CSDE1: variants seen among roughly 807,000 people sequenced by gnomAD.
The protein encoded by CSDE1 is cold shock domain-containing protein E1.
A neutral mutation model predicts 89.3 loss-of-function variants in CSDE1; 17 were observed. The observed-to-expected ratio is 0.19, with a 90% CI of 0.13 to 0.29. CSDE1 has a LOEUF of 0.29. CSDE1 is among the 10% of genes least tolerant of loss of function. CSDE1 has a pLI of 1.00. For synonymous variants in CSDE1, 322 were observed against 332.8 expected (o/e 0.97, Z 0.35); for missense variants, 672 against 984.2 (o/e 0.68, Z 4.24).
At chr1:114,757,096 C>A (rs770077891) in intron 1 of CSDE1, among the ~76,000 whole-genome samples, 1 of 152,120 alleles carries the variant, frequency 6.6e-6, no homozygotes, top group Non-Finnish European at 1.5e-5. Flanking sequence ...GCTTTCAGGG[C>A]GCACGCCCAT....
intron 15 of CSDE1, 147 bp downstream of exon 15, chr1:114,725,074 A>G (rs534887905): frequency 3.0e-6 from 2 of 675,618 alleles, no homozygotes; most frequent in Non-Finnish European, 5.3e-6. Context: ...GTATATTTCT[A>G]ACAAGCAACC....
intron 1 of CSDE1, among the ~76,000 whole-genome samples, chr1:114,754,053 T>C (rs1661455770): frequency 6.6e-6 from 1 of 152,188 alleles, no homozygotes; most frequent in African/African-American, 2.4e-5. Flanking sequence ...AATAGTATTA[T>C]TACTTAATCA....
At chr1:114,754,010 T>C (rs936228772) in intron 1 of CSDE1, among the ~76,000 whole-genome samples, 2 of 152,226 alleles carry the variant, frequency 1.3e-5, no homozygotes, top group African/African-American at 2.4e-5. Flanking sequence ...GTGTGCTAAG[T>C]AATCAACTCC....
In CSDE1 at chr1:114,717,632, TAAGAA is replaced by T. The variant is rs1008660858; in HGVS notation, c.*532_*536del. ...CATTTTAAAATTTGGCCATCAACTTTAAGAAATGGTTTGCCTATACAAATTTTTGT... is the reference window on the plus strand; with the variant it reads ...CATTTTAAAATTTGGCCATCAACTTTATGGTTTGCCTATACAAATTTTTGT... On this transcript the variant is annotated 3_prime_UTR_variant, in exon 20 of 20. Transcript: ENST00000358528. The T allele has an allele frequency of 6.5e-6, 1 of 152,676 alleles. No individual in the cohort carries two copies. Among genetic ancestry groups the T allele is most frequent in the African/African-American group, 2.4e-5 (1 of 41,476 alleles). The allele number at this position is 152,676 out of a possible 1,614,324, so 9.5% of individuals were successfully genotyped here.
rs192036370 is a variant in CSDE1, at chr1:114,750,443, C to G, written c.-387-236G>C. Among the ~76,000 whole-genome samples the G allele has an allele frequency of 3.9e-5, 6 of 152,252 alleles. No individual in the cohort carries two copies. The East Asian group carries it at 1.2e-3, about 29-fold the overall frequency. ...CAAATTATTCCATAGTCTTTATTGA[C>G]CTCTTCCCCCAAATAAGCTCAGTTA... On this transcript the variant is annotated intron_variant, in intron 1 of 19. Transcript: ENST00000358528.
rs1275752231 is a variant in CSDE1 at position 114,720,575 on chromosome 1, G to C, written c.2016C>G (p.Pro672=). 6.2e-7 allele frequency: 1 copy of C among 1,614,060 alleles called. No homozygotes were observed. The highest frequency in any genetic ancestry group is 2.2e-5 in the East Asian group (1 of 44,876). ...CACATTCCACTGTGGCCCTGCGCAG[G>C]GGTGTGATGTTGTAAGCCATAGTTT... is the stretch of plus-strand genomic sequence containing the variant. ...NAQTMAYNIT[P]LRRATVECVK... Residue 672 remains proline (P), a synonymous_variant, in exon 17 of 20, where the codon CCC becomes CCG. Coordinates refer to ENST00000358528, the MANE Select transcript of CSDE1 (RefSeq NM_001007553.3).
chr1:114,728,543 C>T (rs1193572572), intron 12 of CSDE1, among the ~76,000 whole-genome samples: 3 of 151,754 alleles, frequency 2.0e-5, no homozygotes, highest in Non-Finnish European at 2.9e-5. Context: ...GAAAAAAAAA[C>T]AAAAAATGGC....
chr1:114,746,896 G>C (rs896260885), intron 2 of CSDE1: 1 of 152,124 alleles, frequency 6.6e-6, no homozygotes, highest in African/African-American at 2.4e-5. Flanking sequence ...TCCTGTCATA[G>C]GTCTCTATTT....
intron 14 of CSDE1, among the ~76,000 whole-genome samples, 189 bp downstream of exon 14, chr1:114,726,022 T>C (rs1659775554): frequency 6.6e-6 from 1 of 152,240 alleles, no homozygotes; most frequent in Admixed American, 6.5e-5. Flanking sequence ...GGCCTTTCTA[T>C]TTCTTTTGGC....
intron 16 of CSDE1, among the ~76,000 whole-genome samples, chr1:114,722,534 A>G (rs959803192): frequency 6.6e-6 from 1 of 152,208 alleles, no homozygotes; most frequent in Non-Finnish European, 1.5e-5. Flanking sequence ...GGAAAATGTA[A>G]TCTGTCTAGT....
At chr1:114,727,648 A>G (rs1446100554) in intron 12 of CSDE1, 1 of 152,186 alleles carries the variant, frequency 6.6e-6, no homozygotes, top group East Asian at 1.9e-4. Context: ...TTTTTTTAAT[A>G]CCAGACTTCA....
chr1:114,736,085 AAC>A (rs1381531756), intron 6 of CSDE1, among the ~76,000 whole-genome samples: 1 of 152,152 alleles, frequency 6.6e-6, no homozygotes, highest in Non-Finnish European at 1.5e-5. Flanking sequence ...AGGCCAGAAA[AAC>A]AGTATTTGGG....
intron 19 of CSDE1, among the ~76,000 whole-genome samples, 153 bp downstream of exon 19, chr1:114,718,460 G>A (rs1251163290): frequency 6.6e-6 from 1 of 152,146 alleles, no homozygotes; most frequent in Non-Finnish European, 1.5e-5. Flanking sequence ...TAGGTTAGGG[G>A]GCTGAACCAA....
intron 1 of CSDE1, among the ~76,000 whole-genome samples, chr1:114,757,095 G>T (rs1365409054): frequency 6.6e-6 from 1 of 152,190 alleles, no homozygotes; most frequent in Non-Finnish European, 1.5e-5. Flanking sequence ...AGCTTTCAGG[G>T]CGCACGCCCA....
chr1:114,737,416 C>A, intron 5 of CSDE1, 55 bp downstream of exon 5: 1 of 1,350,198 alleles, frequency 7.4e-7, no homozygotes. Context: ...TTAAAGTACG[C>A]TTATAGATCA....
intron 16 of CSDE1, 69 bp downstream of exon 16, chr1:114,723,814 T>A: frequency 6.2e-7 from 1 of 1,603,260 alleles, no homozygotes; most frequent in South Asian, 1.1e-5. Context: ...GCACCATATT[T>A]TAAAACTTTA....
intron 2 of CSDE1, among the ~76,000 whole-genome samples, chr1:114,745,322 A>C (rs1035719483): frequency 1.3e-5 from 2 of 152,230 alleles, no homozygotes; most frequent in African/African-American, 4.8e-5. Context: ...AAATAATATA[A>C]AGTCTAACAC....
chr1:114,743,740 G>A (rs949424579), intron 2 of CSDE1, among the ~76,000 whole-genome samples: 1 of 152,162 alleles, frequency 6.6e-6, no homozygotes, highest in South Asian at 2.1e-4. Context: ...CAAGAATGTT[G>A]GAATCTGGGC....
chr1:114,720,709 T>C lies in CSDE1; in HGVS notation c.1882A>G (p.Lys628Glu). 1 of 1,614,088 alleles carries C rather than the reference T, an allele frequency of 6.2e-7. No homozygotes were observed. Residue 628 changes from lysine to glutamate, a missense_variant, in exon 17 of 20, where the codon AAA becomes GAA. Physicochemically the swap from Lys to Glu is moderately conservative, Grantham distance 56. This residue lies in a region of CSDE1 where 206 missense variants were observed against 332.4 expected (regional missense o/e 0.62). Coordinates refer to ENST00000358528, the MANE Select transcript of CSDE1 (RefSeq NM_001007553.3). ...ATGCCAAATGGATAGACCTCACCTT[T>C]CATATCGCCTGTAAAACAGGTACAA... ...MIEIVEEGDMKGEVYPFGIVG... is the reference protein window; with the variant it reads ...MIEIVEEGDMEGEVYPFGIVG...
Sources: allele counts gnomAD v4.1 joint callset (sites outside exome capture counted in the v4.1 genomes callset), GRCh38; gene constraint gnomAD v4.1.1; regional missense constraint gnomAD v4.1.1; transcripts MANE v1.5; gene names NCBI Gene and HGNC (gene_info 2026-07-23, HGNC 2026-07-21).